NRXN1: variants seen among roughly 807,000 people sequenced by gnomAD.
NRXN1 encodes neurexin 1.
NRXN1 carries 39 observed loss-of-function variants against 150.9 expected under a neutral mutation model. That is an observed-to-expected ratio of 0.26 (90% CI 0.20 to 0.34). The LOEUF is 0.34. Ranked by LOEUF, NRXN1 falls within the 10% of genes least tolerant of loss-of-function variation. NRXN1 has a pLI of 1.00. For synonymous variants in NRXN1, 924 were observed against 757.0 expected, an observed-to-expected ratio of 1.22 and a Z score of -3.62; for missense variants, 1,815 against 1,949.9, an observed-to-expected ratio of 0.93 and a Z score of 1.30.
At chr2:50,565,799 T>A (rs1008148874) in intron 8 of NRXN1, among the ~76,000 whole-genome samples, 3 of 152,142 alleles carry the variant, frequency 2.0e-5, no homozygotes, top group Admixed American at 2.0e-4. Context: ...TCCTCCCAAG[T>A]ATAACTGTCA....
intron 17 of NRXN1, among the ~76,000 whole-genome samples, chr2:50,424,688 C>A (rs973072541): frequency 6.6e-6 from 1 of 152,064 alleles, no homozygotes; most frequent in African/African-American, 2.4e-5. Flanking sequence ...TTTATAAATA[C>A]CCTGTTCTAG....
chr2:50,747,960 A>G (rs1217892941), intron 5 of NRXN1, among the ~76,000 whole-genome samples: 1 of 152,112 alleles, frequency 6.6e-6, no homozygotes, highest in Non-Finnish European at 1.5e-5. Flanking sequence ...CTGTGGCTAA[A>G]CACCTCTACC....
intron 15 of NRXN1, among the ~76,000 whole-genome samples, chr2:50,490,817 A>G (rs1423588899): frequency 6.6e-6 from 1 of 152,206 alleles, no homozygotes; most frequent in Non-Finnish European, 1.5e-5. Context: ...CTCCAAGAAC[A>G]AAGTTCTTAT....
At chr2:50,156,115 G>C (rs1030413543) in intron 18 of NRXN1, among the ~76,000 whole-genome samples, 1 of 151,530 alleles carries the variant, frequency 6.6e-6, no homozygotes, top group Non-Finnish European at 1.5e-5. Flanking sequence ...ATTCTATAAA[G>C]TTCCTACAAT....
chr2:50,760,262 A>G (rs1701654473), intron 5 of NRXN1, among the ~76,000 whole-genome samples: 1 of 151,928 alleles, frequency 6.6e-6, no homozygotes, highest in Non-Finnish European at 1.5e-5. Flanking sequence ...TCAGTATAAG[A>G]GTCTACAGAA....
chr2:49,988,723 T>A (rs1229326490), intron 21 of NRXN1, among the ~76,000 whole-genome samples: 1 of 151,170 alleles, frequency 6.6e-6, no homozygotes, highest in Non-Finnish European at 1.5e-5. Flanking sequence ...AGCAAGATAA[T>A]GGGAGGGAAA....
chr2:50,677,232 T>C (rs1418347300), intron 5 of NRXN1, among the ~76,000 whole-genome samples: 1 of 148,782 alleles, frequency 6.7e-6, no homozygotes, highest in Non-Finnish European at 1.5e-5. Context: ...AAGTGTTTTT[T>C]GTTCTAGCTC....
chr2:50,489,418 G>A (rs1231370683), intron 15 of NRXN1, among the ~76,000 whole-genome samples: 1 of 152,142 alleles, frequency 6.6e-6, no homozygotes. Context: ...CAAAGGTGCA[G>A]ATTTCTTTTC....
chr2:50,618,764 T>TAATAATAATAATAATA (rs1175042383), intron 8 of NRXN1, among the ~76,000 whole-genome samples: 1 of 149,552 alleles, frequency 6.7e-6, no homozygotes. Context: ...ATTAGTACTA[T>TAATAATAATAATAATA]AATAATAATA....
intron 22 of NRXN1, among the ~76,000 whole-genome samples, chr2:49,939,145 A>G (rs188185747): frequency 2.6e-4 from 39 of 152,334 alleles, no homozygotes; most frequent in African/African-American, 9.1e-4. Context: ...TTTTTTCTAT[A>G]ACATACTTTT....
At chr2:50,535,863 T>G (rs1323814452) in intron 10 of NRXN1, among the ~76,000 whole-genome samples, 3 of 152,200 alleles carry the variant, frequency 2.0e-5, no homozygotes. Flanking sequence ...GAGCTGAACA[T>G]GTTTTTTAAT....
intron 18 of NRXN1, among the ~76,000 whole-genome samples, chr2:50,174,018 A>G (rs988845486): frequency 1.3e-5 from 2 of 152,136 alleles, no homozygotes; most frequent in Non-Finnish European, 2.9e-5. Context: ...AAAACAATAT[A>G]TCAATCCCCT....
chr2:50,925,789 T>C, intron 3 of NRXN1, 149 bp downstream of exon 3: 1 of 648,448 alleles, frequency 1.5e-6, no homozygotes, highest in Admixed American at 2.4e-5. Flanking sequence ...AGAATGTATG[T>C]GTTCTGTATG....
intron 17 of NRXN1, among the ~76,000 whole-genome samples, chr2:50,317,116 G>A (rs542141419): frequency 9.5e-4 from 144 of 152,098 alleles, no homozygotes; most frequent in Non-Finnish European, 1.6e-3. Flanking sequence ...AAATAACTAT[G>A]AAAGACATGT....
intron 21 of NRXN1, among the ~76,000 whole-genome samples, chr2:50,012,605 G>C (rs898710980): frequency 6.6e-6 from 1 of 152,048 alleles, no homozygotes; most frequent in Non-Finnish European, 1.5e-5. Flanking sequence ...TTTCACCAAG[G>C]AAACAGTCTT....
At chr2:50,785,677 G>C (rs951927708) in intron 5 of NRXN1, among the ~76,000 whole-genome samples, 1 of 152,158 alleles carries the variant, frequency 6.6e-6, no homozygotes, top group Non-Finnish European at 1.5e-5. Flanking sequence ...AAAGCACTGA[G>C]AGAAAGTCTG....
chr2:50,744,292 C>G (rs921634339), intron 5 of NRXN1, among the ~76,000 whole-genome samples: 1 of 151,548 alleles, frequency 6.6e-6, no homozygotes, highest in Admixed American at 6.6e-5. Flanking sequence ...AAAGGAAATC[C>G]CCAATGTGGA....
intron 18 of NRXN1, among the ~76,000 whole-genome samples, chr2:50,212,688 A>G (rs1193709650): frequency 6.6e-6 from 1 of 151,870 alleles, no homozygotes; most frequent in Non-Finnish European, 1.5e-5. Flanking sequence ...TAGGAAACAA[A>G]TAAACCAAAA....
At chr2:50,012,586 C>T (rs1685888560) in intron 21 of NRXN1, among the ~76,000 whole-genome samples, 1 of 152,060 alleles carries the variant, frequency 6.6e-6, no homozygotes, top group Non-Finnish European at 1.5e-5. Context: ...TCTTACAGAT[C>T]TGATAATTTT....
Sources: allele counts gnomAD v4.1 joint callset (sites outside exome capture counted in the v4.1 genomes callset), GRCh38; gene constraint gnomAD v4.1.1; transcripts MANE v1.5; gene names NCBI Gene and HGNC (gene_info 2026-07-23, HGNC 2026-07-21).